The following DENND10 variants were observed in gnomAD, a reference collection of about 807,000 sequenced individuals.
DENND10 encodes DENN domain-containing protein 10.
Under a neutral mutation model 43.6 loss-of-function variants are expected in DENND10, and 24 were observed. That is an observed-to-expected ratio of 0.55 (90% CI 0.40 to 0.77). DENND10 has a LOEUF of 0.77. Among genes scored for constraint, DENND10 ranks in the 30% least tolerant of loss-of-function variants. The pLI is 0.00. For synonymous variants in DENND10, 125 were observed against 157.6 expected (o/e 0.79, Z 1.55); for missense variants, 303 against 429.9 (o/e 0.70, Z 2.61).
chr10:119,136,859 A>C lies in DENND10; in HGVS notation c.*212A>C. The stretch of plus-strand genomic sequence containing the variant: ...GCTGATTAGCTTCCTGCCTGCTGTC[A>C]GTGCTGGACGAAGTGCTATAACTAC... On this transcript the variant is annotated 3_prime_UTR_variant, in exon 9 of 9. Transcript: ENST00000361432. The C allele has an allele frequency of 2.2e-6, 1 of 446,342 alleles. No individual in the cohort carries two copies. Among genetic ancestry groups the C allele is most frequent in the Non-Finnish European group, 4.1e-6 (1 of 241,026 alleles). 27.6% of individuals were successfully genotyped at this position (446,342 alleles called of 1,614,324 possible).
chr10:119,117,337 A>T (rs1465017135), intron 3 of DENND10, among the ~76,000 whole-genome samples, 182 bp from the exon 4 acceptor site: 1 of 151,816 alleles, frequency 6.6e-6, no homozygotes, highest in Non-Finnish European at 1.5e-5. Flanking sequence ...GCACCGTTGC[A>T]CTCCAGCCCG....
rs764389705 is a variant in DENND10, at chr10:119,120,258, GAAAAAAGA to G, written c.482-68_482-61del. ...GTGAGACTCGGTCTCAAAAAAAAAA[GAAAAAAGA>G]AAAAAAGAAAAAAAAATCTTTATTT... is the stretch of plus-strand genomic sequence containing the variant. On this transcript the variant is annotated intron_variant, in intron 4 of 8. Coordinates refer to ENST00000361432, the MANE Select transcript of DENND10 (RefSeq NM_207009.4). 105 of 872,504 alleles carry G rather than the reference GAAAAAAGA, an allele frequency of 1.2e-4. No homozygotes were observed. The African/African-American group carries it at 1.4e-3, about 12-fold the overall frequency. 54.0% of individuals were successfully genotyped at this position (872,504 alleles called of 1,614,324 possible).
chr10:119,106,735 T>C (rs1183481472), intron 1 of DENND10, among the ~76,000 whole-genome samples: 1 of 152,218 alleles, frequency 6.6e-6, no homozygotes, highest in Non-Finnish European at 1.5e-5. Context: ...TCGACAAACC[T>C]TTTCTATGTA....
At chr10:119,112,857 T>G (rs138320433) in intron 3 of DENND10, among the ~76,000 whole-genome samples, 1 of 143,758 alleles carries the variant, frequency 7.0e-6, no homozygotes, top group Non-Finnish European at 1.5e-5. Context: ...ATTTATTATG[T>G]TTTTTTTTTT....
rs1428282494 is a variant in DENND10, at chr10:119,108,230, A to G, written c.252+66A>G. 15 of 1,144,384 alleles carry G rather than the reference A, an allele frequency of 1.3e-5. No individual in the cohort carries two copies. The South Asian group carries it at 1.9e-4, about 14-fold the overall frequency. The allele number at this position is 1,144,384 out of a possible 1,614,324, so 70.9% of individuals were successfully genotyped here. On this transcript the variant is annotated intron_variant, in intron 2 of 8. Transcript: ENST00000361432. The stretch of plus-strand genomic sequence containing the variant: ...CTGGGCGCGGTGGCTCATGCCTGTA[A>G]TCCCAGCACTTTGGGAGGCTGAGGT...
chr10:119,127,541 T>C (rs905662683), intron 6 of DENND10, among the ~76,000 whole-genome samples: 2 of 152,082 alleles, frequency 1.3e-5, no homozygotes, highest in Admixed American at 6.6e-5. Context: ...TGCAGTGGCG[T>C]GATCTTGGCT....
chr10:119,120,224 G>C (rs1189973068), intron 4 of DENND10, 117 bp from the exon 5 acceptor site: 1 of 597,116 alleles, frequency 1.7e-6, no homozygotes, highest in East Asian at 3.3e-5. Context: ...TTCCAGCCTG[G>C]GTGACAGAGT....
At chr10:119,108,731 T>G (rs1416034419) in intron 2 of DENND10, among the ~76,000 whole-genome samples, 1 of 149,984 alleles carries the variant, frequency 6.7e-6, no homozygotes. Context: ...CTCGGCTCAC[T>G]GCAACCTCCG....
At chr10:119,131,841 A>C (rs1402019824) in intron 7 of DENND10, among the ~76,000 whole-genome samples, 1 of 152,230 alleles carries the variant, frequency 6.6e-6, no homozygotes, top group African/African-American at 2.4e-5. Flanking sequence ...GGCTAGGGCC[A>C]CTTAAGCAGC....
chr10:119,133,914 G>A (rs1846193046), intron 8 of DENND10: 1 of 152,230 alleles, frequency 6.6e-6, no homozygotes, highest in African/African-American at 2.4e-5. Context: ...GACTAAAAGT[G>A]CTACCTAGAT....
chr10:119,104,300 G>T, intron 1 of DENND10, 103 bp downstream of exon 1: 5 of 1,104,198 alleles, frequency 4.5e-6, no homozygotes, highest in African/African-American at 1.7e-5. Context: ...GGCGCCGACC[G>T]CATGAGGAGG....
chr10:119,125,501 C>CTTTTTTTTTTTTT (rs34630434), intron 6 of DENND10, among the ~76,000 whole-genome samples: 47 of 65,858 alleles, frequency 7.1e-4, no homozygotes, highest in East Asian at 1.2e-3. Flanking sequence ...TTCTAGTTTT[C>CTTTTTTTTTTTTT]TTTTTTTTTT....
chr10:119,129,953 T>C (rs1304091247), intron 7 of DENND10, among the ~76,000 whole-genome samples: 1 of 152,226 alleles, frequency 6.6e-6, no homozygotes, highest in Non-Finnish European at 1.5e-5. Context: ...TTGAAATGTT[T>C]CTGAGTCATA....
At chr10:119,126,755 G>T (rs1234935732) in intron 6 of DENND10, among the ~76,000 whole-genome samples, 1 of 152,122 alleles carries the variant, frequency 6.6e-6, no homozygotes, top group Non-Finnish European at 1.5e-5. Context: ...GTGAGCCACT[G>T]CGCCCAGCCG....
rs573986261 is a variant in DENND10, at chr10:119,129,515, G to A, written c.695G>A (p.Gly232Asp). ...AAGGTTGCTCATGTTTGTGATGCAGGTTACGTCGCTGGATTTGTAGACTTG... is the reference window on the plus strand; with the variant it reads ...AAGGTTGCTCATGTTTGTGATGCAGATTACGTCGCTGGATTTGTAGACTTG... ...DELEALQMCT[G>D]YVAGFVDLEV... The change falls in exon 7 of 9, where the codon GGT (glycine) becomes GAT (aspartate). Residue 232 changes from glycine (G) to aspartate (D), a missense_variant and splice_region_variant. Gly to Asp is a moderately conservative substitution (Grantham distance 94). Transcript: ENST00000361432. The A allele has an allele frequency of 3.8e-5, 61 of 1,608,986 alleles. No individual in the cohort carries two copies. In the South Asian group the frequency reaches 5.5e-4, roughly 14 times the overall value.
Position 119,132,773 on chromosome 10 carries a change from G to A in DENND10, c.897+164G>A, listed in dbSNP as rs1352319580. 4 of 650,506 alleles carry A rather than the reference G, an allele frequency of 6.1e-6. No homozygotes were observed. The Admixed American group carries it at 7.5e-5, about 12-fold the overall frequency. The allele number at this position is 650,506 out of a possible 1,614,324, so 40.3% of individuals were successfully genotyped here. A position where few individuals can be genotyped will look rare whatever the true frequency, so the allele number is the denominator to read the frequency against. The stretch of plus-strand genomic sequence containing the variant: ...GGCCACAGTGATGATGGACAAGCAG[G>A]TGCAGGCTGGCCTGATCTAGTTAGT... On this transcript the variant is annotated intron_variant, in intron 8 of 8. Coordinates refer to ENST00000361432, the MANE Select transcript of DENND10 (RefSeq NM_207009.4). This position sits in a 1 kb window ranked among gnomAD's most constrained non-coding sequence, Gnocchi z 4.2.
intron 3 of DENND10, among the ~76,000 whole-genome samples, chr10:119,112,975 G>C (rs146305040): frequency 3.3e-5 from 5 of 150,924 alleles, no homozygotes; most frequent in African/African-American, 1.2e-4. Flanking sequence ...TCAGCCTCCC[G>C]AGTAACTGAG....
intron 6 of DENND10, among the ~76,000 whole-genome samples, chr10:119,128,276 G>C (rs71500891): frequency 6.6e-6 from 1 of 151,810 alleles, no homozygotes; most frequent in African/African-American, 2.4e-5. Flanking sequence ...TCGTGCCACT[G>C]CCCTCCAGCC....
chr10:119,137,964 T>G lies in DENND10; in HGVS notation c.*1317T>G, dbSNP rs1262405764. 6.0e-6 allele frequency: 1 copy of G among 167,046 alleles called. No individual in the cohort carries two copies. The highest frequency in any genetic ancestry group is 1.5e-5 in the Non-Finnish European group (1 of 68,116). The allele number at this position is 167,046 out of a possible 1,614,324, so 10.3% of individuals were successfully genotyped here. A position where few individuals can be genotyped will look rare whatever the true frequency, so the allele number is the denominator to read the frequency against. On this transcript the variant is annotated 3_prime_UTR_variant, in exon 9 of 9. Coordinates refer to ENST00000361432, the MANE Select transcript of DENND10 (RefSeq NM_207009.4). ...ATAAATTTATGATGCAGAAATAAAA[T>G]TGATATATTTTGATATTCAACTACT...
Sources: allele counts gnomAD v4.1 joint callset (sites outside exome capture counted in the v4.1 genomes callset), GRCh38; gene constraint gnomAD v4.1.1; non-coding constraint Gnocchi (gnomAD v3.1); transcripts MANE v1.5; gene names NCBI Gene and HGNC (gene_info 2026-07-23, HGNC 2026-07-21).